Variants in TEX9 observed in about 807,000 individuals in gnomAD.
TEX9 encodes testis-expressed protein 9.
Under a neutral mutation model 59.6 loss-of-function variants are expected in TEX9, and 74 were observed. That is an observed-to-expected ratio of 1.24 (90% confidence interval 1.03 to 1.51). TEX9 has a LOEUF of 1.51. Among genes scored for constraint, TEX9 ranks in the 40% most tolerant of loss-of-function variants. The pLI, the probability that TEX9 is intolerant of heterozygous loss-of-function variation, is 0.00. For missense variants in TEX9, 522 were observed against 447.8 expected (o/e 1.17, Z -1.49); for synonymous variants, 186 against 152.2 (o/e 1.22, Z -1.64).
chr15:56,446,998 C>G (rs2050910039), downstream of TEX9: 1 of 1,257,248 alleles, frequency 8.0e-7, no homozygotes, highest in Admixed American at 1.9e-5. Flanking sequence ...AGAATGAAAA[C>G]CTCACAGAAA....
intron 3 of TEX9, among the ~76,000 whole-genome samples, chr15:56,378,586 A>T (rs2047572416): frequency 6.6e-6 from 1 of 151,350 alleles, no homozygotes; most frequent in Admixed American, 6.6e-5. Context: ...TTAATTTCAT[A>T]TTTTATTTAT....
At chr15:56,342,272 G>T (rs146343566) in intron 1 of TEX9, among the ~76,000 whole-genome samples, 2,519 of 152,202 alleles carry the variant, frequency 0.017, 30 homozygotes, top group Middle Eastern at 0.048. Flanking sequence ...GGTAGGAAAT[G>T]TTATTATCCC....
At chr15:56,387,813 A>C (rs2048028583) in intron 4 of TEX9, among the ~76,000 whole-genome samples, 2 of 151,998 alleles carry the variant, frequency 1.3e-5, no homozygotes, top group African/African-American at 4.8e-5. Flanking sequence ...TAGATAATAC[A>C]TAAATGAGTG....
chr15:56,365,470 G>C, exon 1 of TEX9: 3 of 1,613,930 alleles, frequency 1.9e-6, no homozygotes, highest in Non-Finnish European at 2.5e-6. Flanking sequence ...CGAAGTCTGT[G>C]TCTCACGGTC....
chr15:56,426,774 A>C (rs1315684334), intron 10 of TEX9, among the ~76,000 whole-genome samples: 1 of 151,134 alleles, frequency 6.6e-6, no homozygotes, highest in African/African-American at 2.4e-5. Flanking sequence ...GACTTCCTTT[A>C]ATCTTTCAAG....
intron 1 of TEX9, among the ~76,000 whole-genome samples, chr15:56,284,829 C>G (rs969084147): frequency 6.6e-6 from 1 of 151,922 alleles, no homozygotes; most frequent in African/African-American, 2.4e-5. Context: ...AAGTAGTGCC[C>G]CCATTTGGTC....
intron 1 of TEX9, among the ~76,000 whole-genome samples, chr15:56,334,183 G>C (rs2046214432): frequency 6.6e-6 from 1 of 151,982 alleles, no homozygotes; most frequent in African/African-American, 2.4e-5. Context: ...TGCAACCACA[G>C]AAGACTCAGA....
intron 1 of TEX9, among the ~76,000 whole-genome samples, chr15:56,334,507 A>C (rs543768994): frequency 1.3e-5 from 2 of 152,226 alleles, no homozygotes; most frequent in African/African-American, 4.8e-5. Flanking sequence ...CAAAAATCAA[A>C]ATGATTACTG....
At chr15:56,292,355 G>C (rs1245312980) in intron 1 of TEX9, among the ~76,000 whole-genome samples, 2 of 152,200 alleles carry the variant, frequency 1.3e-5, no homozygotes, top group African/African-American at 4.8e-5. Flanking sequence ...CACACTGGCA[G>C]AGAGCATCAT....
chr15:56,300,910 A>G (rs28712888), intron 1 of TEX9, among the ~76,000 whole-genome samples: 16 of 152,326 alleles, frequency 1.1e-4, no homozygotes, highest in African/African-American at 3.6e-4. Context: ...TAGGCTGTGA[A>G]GACTACAGTA....
intron 1 of TEX9, among the ~76,000 whole-genome samples, chr15:56,344,410 A>G (rs1457990058): frequency 2.0e-5 from 3 of 152,234 alleles, no homozygotes; most frequent in Non-Finnish European, 4.4e-5. Context: ...GAAAGAAGCC[A>G]ATCACAAAGG....
At chr15:56,347,410 C>G (rs1266330764) in intron 1 of TEX9, among the ~76,000 whole-genome samples, 1 of 151,816 alleles carries the variant, frequency 6.6e-6, no homozygotes, top group Non-Finnish European at 1.5e-5. Context: ...ACAGAGAACC[C>G]AGAAAGGGAG....
chr15:56,460,009 A>AAAAAAAAAAAAAATATATATATATATAT, the TEX9 span, among the ~76,000 whole-genome samples: 7 of 26,380 alleles, frequency 2.7e-4, 1 homozygote, highest in African/African-American at 4.5e-4. Context: ...AAAAAAAAAA[A>AAAAAAAAAAAAAATATATATATATATAT]ATACATATAT....
chr15:56,431,260 C>T, intron 12 of TEX9: 1 of 1,263,504 alleles, frequency 7.9e-7, no homozygotes, highest in South Asian at 1.5e-5. Flanking sequence ...CCCATTGCTG[C>T]TTCATAACCG....
chr15:56,391,439 T>C (rs1207419614), intron 7 of TEX9, 21 bp downstream of exon 7: 3 of 1,462,178 alleles, frequency 2.1e-6, no homozygotes, highest in Non-Finnish European at 2.7e-6. Flanking sequence ...TTTAGTTTTT[T>C]ATTTTTATCT....
intron 9 of TEX9, among the ~76,000 whole-genome samples, chr15:56,404,537 AGT>A (rs1407588604): frequency 6.6e-6 from 1 of 152,228 alleles, no homozygotes; most frequent in Non-Finnish European, 1.5e-5. Flanking sequence ...CTGTTGGCAG[AGT>A]GTAAATTAGT....
At chr15:56,397,684 G>C (rs1439250885) in intron 9 of TEX9, 1 of 152,208 alleles carries the variant, frequency 6.6e-6, no homozygotes, top group African/African-American at 2.4e-5. Flanking sequence ...ATTTCATCTT[G>C]AATTCCCATG....
chr15:56,356,182 G>A (rs2141895832), intron 1 of TEX9, among the ~76,000 whole-genome samples: 1 of 152,224 alleles, frequency 6.6e-6, no homozygotes, highest in Non-Finnish European at 1.5e-5. Flanking sequence ...AAATAGTGAT[G>A]ACAGTGGAAA....
In TEX9 at chr15:56,339,401, A is replaced by AACAAAC. The variant is rs1555434473; in HGVS notation, c.-106-34039_-106-34038insCAAACA. 1.1e-3 allele frequency among the ~76,000 whole-genome samples: 132 copies of AACAAAC among 124,244 alleles called. 7 individuals are homozygous for AACAAAC. In the East Asian group the frequency reaches 0.012, roughly 11 times the overall value. 81.5% of individuals were successfully genotyped at this position (124,244 alleles called of 152,430 possible). Reference sequence around the variant, plus strand: ...CCTTCTCCAAAAAAAAAAAAAAAAAAAAAAAAAAAAAAACAGGAGAATAAC... The same window carrying AACAAAC: ...CCTTCTCCAAAAAAAAAAAAAAAAAAACAAACAAAAAAAAAAAAACAGGAGAATAAC... On this transcript the variant is annotated intron_variant, in intron 1 of 5. Coordinates refer to the TEX9 transcript ENST00000560827.
Sources: allele counts gnomAD v4.1 joint callset (sites outside exome capture counted in the v4.1 genomes callset), GRCh38; gene constraint gnomAD v4.1.1; transcripts MANE v1.5; gene names NCBI Gene and HGNC (gene_info 2026-07-23, HGNC 2026-07-21).